The following TAF8 variants were observed in gnomAD, a reference collection of about 807,000 sequenced individuals.
The protein encoded by TAF8 is TATA-box binding protein associated factor 8.
TAF8 carries 47 observed loss-of-function variants against 36.5 expected under a neutral mutation model. That is an observed-to-expected ratio of 1.29 (90% CI 1.02 to 1.64). The LOEUF is 1.64. Ranked by LOEUF, TAF8 falls within the 40% of genes most tolerant of loss-of-function variation. The probability of loss-of-function intolerance (pLI) is 0.00; values close to 1 mark genes in which losing one functional copy is unlikely to be tolerated. For missense variants in TAF8, 420 were observed against 407.6 expected (o/e 1.03, Z -0.26); for synonymous variants, 175 against 159.5 (o/e 1.10, Z -0.73).
At position 42,079,854 on chromosome 6, in the gene TAF8, C is replaced by T; in HGVS notation, c.*2309C>T. ...CAGGCGTGAGCCACGGTGCCCAGCC[C>T]ATCTCTTAGTCTTCCATTCCCTTGG... On this transcript the variant is annotated 3_prime_UTR_variant, in exon 9 of 9. Coordinates refer to ENST00000372977, the MANE Select transcript of TAF8 (RefSeq NM_138572.3). The T allele has an allele frequency of 2.0e-6, 2 of 985,260 alleles. No homozygotes were observed. The highest frequency in any genetic ancestry group is 5.2e-4 in the Middle Eastern group (1 of 1,916). The allele number at this position is 985,260 out of a possible 1,614,324, so 61.0% of individuals were successfully genotyped here. A position where few individuals can be genotyped will look rare whatever the true frequency, so the allele number is the denominator to read the frequency against.
chr6:42,051,286 C>A, intron 1 of TAF8, 71 bp from the exon 2 acceptor site: 2 of 1,404,966 alleles, frequency 1.4e-6, no homozygotes, highest in African/African-American at 1.4e-5. Flanking sequence ...ACTTTGCTTG[C>A]CGTTGACCAC....
At chr6:42,051,937 GC>G (rs1764807580) in intron 2 of TAF8, among the ~76,000 whole-genome samples, 1 of 152,236 alleles carries the variant, frequency 6.6e-6, no homozygotes, top group Admixed American at 6.5e-5. Flanking sequence ...CTGCACTCCA[GC>G]CTGTGAGGCT....
rs549179456 is a variant in TAF8 at position 42,073,151 on chromosome 6, C to T, written c.781-3949C>T. Reference sequence around the variant, plus strand: ...TGTACTTGAACATAAAGGAGCTATTCATTTTAAATTCATGTATAATTTAAA... The same window carrying T: ...TGTACTTGAACATAAAGGAGCTATTTATTTTAAATTCATGTATAATTTAAA... On this transcript the variant is annotated intron_variant, in intron 7 of 8. Coordinates refer to ENST00000372977, the MANE Select transcript of TAF8 (RefSeq NM_138572.3). Among the ~76,000 whole-genome samples the T allele has an allele frequency of 7.2e-4, 109 of 152,352 alleles. 1 individual carries two copies. The highest frequency in any genetic ancestry group is 2.6e-3 in the African/African-American group (107 of 41,586).
chr6:42,080,939 A>C lies in TAF8; in HGVS notation c.*3394A>C. ...AAGCTTTGAACTTAATTTGTGTTCA[A>C]AAGTTAACAGCAATGTGGACAAATA... On this transcript the variant is annotated 3_prime_UTR_variant, in exon 9 of 9. Coordinates refer to ENST00000372977, the MANE Select transcript of TAF8 (RefSeq NM_138572.3). 2.0e-6 allele frequency: 2 copies of C among 985,386 alleles called. No individual in the cohort carries two copies. Among genetic ancestry groups the C allele is most frequent in the African/African-American group, 3.5e-5 (2 of 57,374 alleles). 61.0% of individuals were successfully genotyped at this position (985,386 alleles called of 1,614,324 possible).
At chr6:42,052,148 G>C (rs1287976417) in intron 2 of TAF8, among the ~76,000 whole-genome samples, 2 of 152,302 alleles carry the variant, frequency 1.3e-5, no homozygotes, top group East Asian at 3.9e-4. Context: ...GTGTAAGTGA[G>C]ATGTATATAT....
At chr6:42,057,254 G>A (rs569140111) in intron 4 of TAF8, 135 bp from the exon 5 acceptor site, 21 of 1,295,236 alleles carry the variant, frequency 1.6e-5, no homozygotes, top group Non-Finnish European at 2.3e-5. Context: ...TTTATCGATT[G>A]AAATACAAAA....
chr6:42,081,088 A>G lies in TAF8; in HGVS notation c.*3543A>G, dbSNP rs1215046156. 3 of 387,096 alleles carry G rather than the reference A, an allele frequency of 7.8e-6. No individual in the cohort carries two copies. The highest frequency in any genetic ancestry group is 1.1e-5 in the Non-Finnish European group (3 of 283,676). 24.0% of individuals were successfully genotyped at this position (387,096 alleles called of 1,614,324 possible). A position where few individuals can be genotyped will look rare whatever the true frequency, so the allele number is the denominator to read the frequency against. On this transcript the variant is annotated 3_prime_UTR_variant, in exon 9 of 9. Transcript: ENST00000372977. ...ATGAACCCCTGTATATGCCTCATCA[A>G]GCTTCCACACTTGTCAGTAGCTTGT...
rs1206096355 is a variant in TAF8, at chr6:42,079,658, G to A, written c.*2113G>A. The A allele has an allele frequency of 1.2e-6, 1 of 807,140 alleles. No individual in the cohort carries two copies. Among genetic ancestry groups the A allele is most frequent in the East Asian group, 1.3e-4 (1 of 7,996 alleles). The allele number at this position is 807,140 out of a possible 1,614,324, so 50.0% of individuals were successfully genotyped here. A position where few individuals can be genotyped will look rare whatever the true frequency, so the allele number is the denominator to read the frequency against. ...GCTCACTGCAACCTCCACTCCCCGGGTTCAAGCAATTCTCAGAGTAGCTGG... is the reference window on the plus strand; with the variant it reads ...GCTCACTGCAACCTCCACTCCCCGGATTCAAGCAATTCTCAGAGTAGCTGG... On this transcript the variant is annotated 3_prime_UTR_variant, in exon 9 of 9. Transcript: ENST00000372977.
chr6:42,066,586 A>G (rs1765372155), intron 6 of TAF8, 127 bp downstream of exon 6: 5 of 1,109,884 alleles, frequency 4.5e-6, no homozygotes, highest in Admixed American at 4.4e-5. Context: ...CTTGCCTCTC[A>G]GATTTCTGGC....
At chr6:42,051,112 A>T in intron 1 of TAF8, 1 of 1,178,630 alleles carries the variant, frequency 8.5e-7, no homozygotes, top group Non-Finnish European at 1.1e-6. Flanking sequence ...TAGAAAGTAA[A>T]AGACCTGCTA....
chr6:42,052,168 A>G (rs1379784187), intron 2 of TAF8, among the ~76,000 whole-genome samples: 2 of 152,162 alleles, frequency 1.3e-5, no homozygotes, highest in African/African-American at 4.8e-5. Flanking sequence ...TAAAACATTC[A>G]GTGCTGGGGA....
intron 4 of TAF8, among the ~76,000 whole-genome samples, chr6:42,056,927 C>G (rs1334949159): frequency 6.6e-6 from 1 of 152,162 alleles, no homozygotes; most frequent in Non-Finnish European, 1.5e-5. Context: ...TTTAAAGTCA[C>G]TTTTTTCTTG....
intron 5 of TAF8, among the ~76,000 whole-genome samples, chr6:42,062,210 A>G (rs961036882): frequency 6.6e-6 from 1 of 152,208 alleles, no homozygotes. Flanking sequence ...AAAATTTTAT[A>G]TCTCTACCCA....
chr6:42,051,234 C>T (rs1764769448), intron 1 of TAF8, 123 bp from the exon 2 acceptor site: 5 of 1,320,856 alleles, frequency 3.8e-6, no homozygotes, highest in Non-Finnish European at 4.1e-6. Flanking sequence ...TAAATCTAAA[C>T]ATTAAGCACT....
chr6:42,056,352 CTG>C, intron 4 of TAF8: 1 of 256,608 alleles, frequency 3.9e-6, no homozygotes, highest in Non-Finnish European at 7.6e-6. Flanking sequence ...AGCCTGCCTC[CTG>C]TTTTTGTAAA....
intron 7 of TAF8, among the ~76,000 whole-genome samples, chr6:42,074,911 G>C (rs2127463314): frequency 6.6e-6 from 1 of 151,688 alleles, no homozygotes; most frequent in South Asian, 2.1e-4. Flanking sequence ...CCCTGAAGGG[G>C]ACATTTCTAT....
At chr6:42,071,247 G>T in intron 7 of TAF8, 1 of 184,868 alleles carries the variant, frequency 5.4e-6, no homozygotes, top group South Asian at 7.1e-5. Flanking sequence ...CAGCCACCCT[G>T]GGTTGCTAGT....
In TAF8 at chr6:42,077,532, G is replaced by A. The variant is rs748379620; in HGVS notation, c.921-1G>A. 3 of 1,612,986 alleles carry A rather than the reference G, an allele frequency of 1.9e-6. No homozygotes were observed. The highest frequency in any genetic ancestry group is 2.5e-6 in the Non-Finnish European group (3 of 1,179,580). On this transcript the variant is annotated splice_acceptor_variant, in intron 8 of 8. Coordinates refer to ENST00000372977, the MANE Select transcript of TAF8 (RefSeq NM_138572.3). LOFTEE classifies it high-confidence loss of function. The stretch of plus-strand genomic sequence containing the variant: ...GGCTCCATGGTTCCTCTTCTTTCTA[G>A]GTCCCTCTCCTGAGCTGAGAAGGAA...
chr6:42,065,035 C>T (rs62415896), intron 5 of TAF8, among the ~76,000 whole-genome samples: 1 of 150,920 alleles, frequency 6.6e-6, no homozygotes, highest in African/African-American at 2.4e-5. Context: ...AAAATGTCAC[C>T]GTTGCCATTA....
Sources: allele counts gnomAD v4.1 joint callset (sites outside exome capture counted in the v4.1 genomes callset), GRCh38; gene constraint gnomAD v4.1.1; transcripts MANE v1.5; gene names NCBI Gene and HGNC (gene_info 2026-07-23, HGNC 2026-07-21).